The following BICD2 variants were observed in gnomAD, a reference collection of about 807,000 sequenced individuals.
The protein encoded by BICD2 is protein bicaudal D homolog 2.
Under a neutral mutation model 72.9 loss-of-function variants are expected in BICD2, and 25 were observed. The observed-to-expected ratio is 0.34, with a 90% CI of 0.25 to 0.48. The LOEUF is 0.48. BICD2 is among the 20% of genes least tolerant of loss of function. The probability of loss-of-function intolerance (pLI) is 0.99; values close to 1 mark genes in which losing one functional copy is unlikely to be tolerated. For missense variants in BICD2, 894 were observed against 1,175.2 expected (o/e 0.76, Z 3.50); for synonymous variants, 501 against 516.1 (o/e 0.97, Z 0.40).
At chr9:92,760,633 G>A (rs1854353330) in intron 1 of BICD2, among the ~76,000 whole-genome samples, 1 of 152,190 alleles carries the variant, frequency 6.6e-6, no homozygotes, top group Non-Finnish European at 1.5e-5. Flanking sequence ...AGTGACAACA[G>A]TGTAGCCACA....
rs771536669 is a variant in BICD2 at position 92,715,474 on chromosome 9, C to CA, written c.2259-12dup. ...ATGTACTCGTCACACCTGTGGGTAC[C>CA]AAAAACATGACTGAGGGGCGGGCAG... On this transcript the variant is annotated splice_polypyrimidine_tract_variant and intron_variant, in intron 6 of 6. Transcript: ENST00000356884. The CA allele has an allele frequency of 1.3e-6, 2 of 1,567,328 alleles. No homozygotes were observed. Among genetic ancestry groups the CA allele is most frequent in the East Asian group, 2.3e-5 (1 of 44,064 alleles).
In BICD2 at chr9:92,713,480, A is replaced by G; in HGVS notation, c.*1674T>C. 6.3e-7 allele frequency: 1 copy of G among 1,588,556 alleles called. No individual in the cohort carries two copies. The highest frequency in any genetic ancestry group is 8.6e-7 in the Non-Finnish European group (1 of 1,166,206). On this transcript the variant is annotated 3_prime_UTR_variant, in exon 7 of 7. Transcript: ENST00000356884. ...TCTACAGCTGAAAACGGGAGAAAAG[A>G]GAGCGTTAGAAAGCGGTCATCTGTC...
intron 6 of BICD2, 67 bp downstream of exon 6, chr9:92,717,730 T>C: frequency 6.7e-7 from 1 of 1,503,084 alleles, no homozygotes; most frequent in South Asian, 1.3e-5. Flanking sequence ...AGGCTAAGGG[T>C]TCCAGAGGCA....
intron 3 of BICD2, among the ~76,000 whole-genome samples, chr9:92,721,157 T>C (rs1853457109): frequency 6.6e-6 from 1 of 152,240 alleles, no homozygotes; most frequent in Non-Finnish European, 1.5e-5. Flanking sequence ...TTCACAAATA[T>C]TACCAAGTGC....
In BICD2 at chr9:92,764,792, G is replaced by A. The variant is rs1209314845; in HGVS notation, c.-48C>T. The A allele has an allele frequency of 1.5e-5, 19 of 1,303,572 alleles. No individual in the cohort carries two copies. The highest frequency in any genetic ancestry group is 4.7e-5 in the African/African-American group (3 of 63,852). The allele number at this position is 1,303,572 out of a possible 1,614,324, so 80.8% of individuals were successfully genotyped here. Reference sequence around the variant, plus strand: ...TCCCACTGAGGCTCTCGCAGGCCGGGCCCTCCTCAGCCGCCGCCGCTGCCG... The same window carrying A: ...TCCCACTGAGGCTCTCGCAGGCCGGACCCTCCTCAGCCGCCGCCGCTGCCG... On this transcript the variant is annotated 5_prime_UTR_variant, in exon 1 of 7. Coordinates refer to ENST00000356884, the MANE Select transcript of BICD2 (RefSeq NM_001003800.2). The surrounding 1 kb of genome is among the most constrained non-coding windows in gnomAD (Gnocchi z 5.5).
At chr9:92,724,525 GAAAGCTGACACCA>G (rs1853526785) in intron 2 of BICD2, among the ~76,000 whole-genome samples, 1 of 151,992 alleles carries the variant, frequency 6.6e-6, no homozygotes, top group Non-Finnish European at 1.5e-5. Context: ...GGAAGTGACA[GAAAGCTGACACCA>G]AAAGAAACAG....
intron 2 of BICD2, among the ~76,000 whole-genome samples, chr9:92,724,354 C>T (rs1853523508): frequency 6.6e-6 from 1 of 152,208 alleles, no homozygotes; most frequent in African/African-American, 2.4e-5. Flanking sequence ...TAGGACATCC[C>T]TCCCAAAACA....
chr9:92,734,584 A>T, intron 1 of BICD2, among the ~76,000 whole-genome samples: 1 of 144,090 alleles, frequency 6.9e-6, no homozygotes. Flanking sequence ...AGCTGGAGTT[A>T]CTCCCTCCTC....
chr9:92,764,446 A>G lies in BICD2; in HGVS notation c.240+59T>C. ...GACCTTGGCCGCCCTGGTGCCAGGG[A>G]CGACGCCCACAGGCCCCGGCGCCGG... On this transcript the variant is annotated intron_variant, in intron 1 of 6. Transcript: ENST00000356884. The surrounding 1 kb of genome is among the most constrained non-coding windows in gnomAD (Gnocchi z 5.5). 4 of 1,418,424 alleles carry G rather than the reference A, an allele frequency of 2.8e-6. No homozygotes were observed. Among genetic ancestry groups the G allele is most frequent in the Non-Finnish European group, 3.7e-6 (4 of 1,082,524 alleles). 87.9% of individuals were successfully genotyped at this position (1,418,424 alleles called of 1,614,324 possible). A position where few individuals can be genotyped will look rare whatever the true frequency, so the allele number is the denominator to read the frequency against.
intron 2 of BICD2, among the ~76,000 whole-genome samples, chr9:92,728,464 C>T (rs1014807039): frequency 3.9e-5 from 6 of 152,374 alleles, no homozygotes; most frequent in Admixed American, 1.3e-4. Flanking sequence ...GACCACCCAC[C>T]CAGACCCTCC....
chr9:92,756,866 CA>C (rs61466993), intron 1 of BICD2, among the ~76,000 whole-genome samples: 34,829 of 123,418 alleles, frequency 0.28, 4,759 homozygotes, highest in East Asian at 0.73. Context: ...GACTCCGTCT[CA>C]AAAAAAAAAA....
chr9:92,749,343 C>G (rs1854097635), intron 1 of BICD2, among the ~76,000 whole-genome samples: 1 of 152,190 alleles, frequency 6.6e-6, no homozygotes. Context: ...GGGCACTGGC[C>G]CACCCTTCCT....
chr9:92,746,031 A>C (rs1278675215), intron 1 of BICD2, among the ~76,000 whole-genome samples: 1 of 152,222 alleles, frequency 6.6e-6, no homozygotes, highest in East Asian at 1.9e-4. Context: ...AACAACTGAG[A>C]TCTGGCTAAA....
At chr9:92,739,455 C>T (rs918230409) in intron 1 of BICD2, among the ~76,000 whole-genome samples, 1 of 152,224 alleles carries the variant, frequency 6.6e-6, no homozygotes, top group African/African-American at 2.4e-5. Context: ...ATCCCAGGCT[C>T]TCTATTCCCC....
intron 1 of BICD2, among the ~76,000 whole-genome samples, chr9:92,730,048 G>A (rs1587676298): frequency 1.3e-5 from 2 of 152,180 alleles, no homozygotes; most frequent in South Asian, 2.1e-4. Context: ...CACCCCAGGC[G>A]AGTGGCCCAG....
At position 92,764,080 on chromosome 9, in the gene BICD2, C is replaced by A. The variant is rs1854429740; in HGVS notation, c.240+425G>T. Among the ~76,000 whole-genome samples, 1 of 152,208 alleles carries A rather than the reference C, an allele frequency of 6.6e-6. No homozygotes were observed. On this transcript the variant is annotated intron_variant, in intron 1 of 6. Transcript: ENST00000356884. The surrounding 1 kb of genome is among the most constrained non-coding windows in gnomAD (Gnocchi z 5.5). ...AGAGCCGCAGCCACCCAGACCCAGG[C>A]CCACCCTCGGCCTCTCCCAGCGGGT... is the stretch of plus-strand genomic sequence containing the variant.
chr9:92,737,750 G>A (rs889276912), intron 1 of BICD2, among the ~76,000 whole-genome samples: 1 of 152,206 alleles, frequency 6.6e-6, no homozygotes, highest in Admixed American at 6.5e-5. Context: ...GTTACTTTCT[G>A]TGAAAGTAAA....
At chr9:92,761,280 T>C (rs1164277033) in intron 1 of BICD2, among the ~76,000 whole-genome samples, 1 of 152,168 alleles carries the variant, frequency 6.6e-6, no homozygotes, top group Non-Finnish European at 1.5e-5. Context: ...GGGGAGAAGC[T>C]GCAGGTGCAG....
chr9:92,725,278 C>T (rs1397347888), intron 2 of BICD2, among the ~76,000 whole-genome samples: 1 of 152,210 alleles, frequency 6.6e-6, no homozygotes, highest in East Asian at 1.9e-4. Context: ...CACTGCCAAA[C>T]CCAGAACACA....
Sources: allele counts gnomAD v4.1 joint callset (sites outside exome capture counted in the v4.1 genomes callset), GRCh38; gene constraint gnomAD v4.1.1; non-coding constraint Gnocchi (gnomAD v3.1); transcripts MANE v1.5; gene names NCBI Gene and HGNC (gene_info 2026-07-23, HGNC 2026-07-21).